TRPV5: variants seen among roughly 807,000 people sequenced by gnomAD.
The protein encoded by TRPV5 is calcium transport protein 2.
A neutral mutation model predicts 74.1 loss-of-function variants in TRPV5; 66 were observed. That is an observed-to-expected ratio of 0.89 (90% CI 0.73 to 1.09). The LOEUF is 1.09. Ranked by LOEUF, TRPV5 falls within the 50% of genes least tolerant of loss-of-function variation. The probability of loss-of-function intolerance (pLI) is 0.00; values close to 1 mark genes in which losing one functional copy is unlikely to be tolerated. For synonymous variants in TRPV5, 399 were observed against 360.7 expected, an observed-to-expected ratio of 1.11 and a Z score of -1.20; for missense variants, 936 against 930.4, an observed-to-expected ratio of 1.01 and a Z score of -0.08.
intron 8 of TRPV5, among the ~76,000 whole-genome samples, chr7:142,922,958 T>C (rs1225199097): frequency 6.6e-6 from 1 of 152,200 alleles, no homozygotes; most frequent in African/African-American, 2.4e-5. Context: ...AAACATCAGC[T>C]TTTGTGTAGT....
At chr7:142,919,935 AAAGGAATG>A (rs1160989603) in intron 8 of TRPV5, among the ~76,000 whole-genome samples, 1 of 152,204 alleles carries the variant, frequency 6.6e-6, no homozygotes, top group Non-Finnish European at 1.5e-5. Flanking sequence ...CCAGACTTGC[AAAGGAATG>A]AAGTTTTCAG....
At chr7:142,932,848 C>A (rs905320138) in intron 1 of TRPV5, among the ~76,000 whole-genome samples, 3 of 152,238 alleles carry the variant, frequency 2.0e-5, no homozygotes, top group African/African-American at 7.2e-5. Flanking sequence ...CCTCCAGTGT[C>A]ACCTGAGCTG....
At chr7:142,930,828 G>A (rs1186927243) in intron 1 of TRPV5, among the ~76,000 whole-genome samples, 3 of 152,118 alleles carry the variant, frequency 2.0e-5, no homozygotes, top group Non-Finnish European at 4.4e-5. Flanking sequence ...TGGAGAGCGG[G>A]ACAGAGGGCA....
Position 142,929,457 on chromosome 7 carries a change from C to T in TRPV5, c.458G>A (p.Arg153His), listed in dbSNP as rs192702809. 138 of 1,614,110 alleles carry T rather than the reference C, an allele frequency of 8.5e-5. 1 individual carries two copies. In the Admixed American group the frequency reaches 1.1e-3, roughly 13 times the overall value. Residue 153 changes from arginine (R) to histidine (H), a missense_variant, in exon 4 of 15, where the codon CGC (arginine) becomes CAC (histidine). By Grantham distance (29) the Arg-to-His change is conservative. Transcript: ENST00000265310. ...VSARATGTAF[R>H]HSPRNLIYFG... ...GTAGATGAGGTTGCGGGGACTATGG[C>T]GGAAGGCAGTGCCTGTGGCTCTGGC...
chr7:142,918,550 G>T (rs1017246815), intron 8 of TRPV5, among the ~76,000 whole-genome samples: 7 of 152,174 alleles, frequency 4.6e-5, no homozygotes, highest in Non-Finnish European at 7.3e-5. Context: ...ATCATTCCTA[G>T]CTCCCCAATG....
At position 142,929,494 on chromosome 7, in the gene TRPV5, C is replaced by A. The variant is rs755955591; in HGVS notation, c.421G>T (p.Ala141Ser). The change falls in exon 4 of 15, where the codon GCC (alanine) becomes TCC (serine). Residue 141 changes from alanine (A) to serine (S), a missense_variant. Coordinates refer to ENST00000265310, the MANE Select transcript of TRPV5 (RefSeq NM_019841.7). ...CCTGTGGCTCTGGCAGAGACACTGG[C>A]CCTGCGGGTGAGCAGGGCACGCACC... ...NLVRALLTRR[A>S]SVSARATGTA... is the part of the protein sequence containing the mutation. 1.9e-6 allele frequency: 3 copies of A among 1,614,004 alleles called. No individual in the cohort carries two copies. The highest frequency in any genetic ancestry group is 1.7e-6 in the Non-Finnish European group (2 of 1,180,038).
chr7:142,932,751 G>A (rs1248080832), intron 1 of TRPV5, among the ~76,000 whole-genome samples: 1 of 152,180 alleles, frequency 6.6e-6, no homozygotes, highest in Non-Finnish European at 1.5e-5. Flanking sequence ...GCAGGCACAA[G>A]TCTCATTCAA....
rs1428411679 is a variant in TRPV5 at position 142,912,574 on chromosome 7, C to T, written c.1696G>A (p.Ala566Thr). 1.9e-6 allele frequency: 3 copies of T among 1,614,154 alleles called. No homozygotes were observed. The highest frequency in any genetic ancestry group is 2.5e-6 in the Non-Finnish European group (3 of 1,179,964). ...AACAAGTTGAGCATGAGCAGTGTGG[C>T]AATGATGGTGAAGGCGAAGTTGACA... The part of the protein sequence containing the change: ...SIVNFAFTII[A>T]TLLMLNLFIA... Residue 566 changes from alanine to threonine, a missense_variant, in exon 13 of 15, where the codon GCC becomes ACC. Transcript: ENST00000265310.
chr7:142,928,298 C>T (rs1394237549), intron 6 of TRPV5, 64 bp from the exon 7 acceptor site: 2 of 1,577,098 alleles, frequency 1.3e-6, no homozygotes, highest in Admixed American at 1.7e-5. Context: ...GAGAACAACT[C>T]CATTGGATGG....
At chr7:142,930,478 AC>A in intron 1 of TRPV5, 32 bp from the exon 2 acceptor site, 1 of 1,544,804 alleles carries the variant, frequency 6.5e-7, no homozygotes, top group Non-Finnish European at 9.0e-7. Flanking sequence ...TTTGGAAGAG[AC>A]AGTCATAGCA....
rs1229390470 is a variant in TRPV5, at chr7:142,929,007, C to T, written c.586+15G>A. On this transcript the variant is annotated intron_variant, in intron 5 of 14. Coordinates refer to ENST00000265310, the MANE Select transcript of TRPV5 (RefSeq NM_019841.7). ...CCCACAGCATCCCAGCTCCCCTCCCCATCCCAGCTCTTACCCAGGGAGTCC... is the reference window on the plus strand; with the variant it reads ...CCCACAGCATCCCAGCTCCCCTCCCTATCCCAGCTCTTACCCAGGGAGTCC... The T allele has an allele frequency of 4.3e-6, 7 of 1,613,718 alleles. No homozygotes were observed. The highest frequency in any genetic ancestry group is 5.1e-6 in the Non-Finnish European group (6 of 1,180,002).
rs762322804 is a variant in TRPV5 at position 142,912,518 on chromosome 7, C to T, written c.1752G>A (p.Arg584=). 3 of 1,614,226 alleles carry T rather than the reference C, an allele frequency of 1.9e-6. No homozygotes were observed. Among genetic ancestry groups the T allele is most frequent in the Non-Finnish European group, 2.5e-6 (3 of 1,180,038 alleles). ...AGAGCTCATCCCTCTCCTGGGCCAC[C>T]CTCCAGTGGGTGTCGCCCATCATGG... ...FIAMMGDTHW[R]VAQERDELWR... is the part of the protein sequence containing the mutation. Residue 584 remains arginine (R), a synonymous_variant, in exon 13 of 15, where the codon AGG becomes AGA. Transcript: ENST00000265310.
At chr7:142,914,614 T>C (rs1399888288) in intron 12 of TRPV5, 26 bp downstream of exon 12, 2 of 1,601,490 alleles carry the variant, frequency 1.2e-6, no homozygotes, top group African/African-American at 1.3e-5. Context: ...TCTGCTGATC[T>C]AGTAGAGGAG....
intron 7 of TRPV5, among the ~76,000 whole-genome samples, chr7:142,926,829 G>A (rs1795996643): frequency 1.3e-5 from 2 of 152,184 alleles, no homozygotes; most frequent in African/African-American, 2.4e-5. Context: ...TCTGTTTCCA[G>A]GGATATTCTC....
chr7:142,915,632 G>A (rs1795783843), intron 8 of TRPV5, 64 bp from the exon 9 acceptor site: 10 of 1,533,228 alleles, frequency 6.5e-6, no homozygotes, highest in Non-Finnish European at 9.0e-6. Flanking sequence ...TTGTGCAAAT[G>A]ATCGAAAGCT....
At chr7:142,920,561 A>T (rs958091464) in intron 8 of TRPV5, among the ~76,000 whole-genome samples, 10 of 152,166 alleles carry the variant, frequency 6.6e-5, no homozygotes, top group Admixed American at 1.3e-4. Context: ...GACCTAGCAC[A>T]TCACTCTGGA....
rs1295677654 is a variant in TRPV5, at chr7:142,925,682, C to T, written c.969G>A (p.Lys323=). The change falls in exon 8 of 15, where the codon AAG becomes AAA. Residue 323 remains lysine, a synonymous_variant. Coordinates refer to ENST00000265310, the MANE Select transcript of TRPV5 (RefSeq NM_019841.7). The stretch of plus-strand genomic sequence containing the variant: ...GGATGCAGAAGTACGGCCGGCCATA[C>T]TTGTTCCACTTGAAGCTCACCAGCT... ...VKELVSFKWN[K]YGRPYFCILA... The T allele has an allele frequency of 3.1e-6, 5 of 1,614,050 alleles. No individual in the cohort carries two copies. In the African/African-American group the frequency reaches 5.3e-5, roughly 17 times the overall value.
rs979897614 is a variant in TRPV5 at position 142,930,260 on chromosome 7, C to T, written c.227-80G>A. The T allele has an allele frequency of 2.9e-5, 47 of 1,610,640 alleles. No homozygotes were observed. The Admixed American group carries it at 4.0e-4, about 14-fold the overall frequency. On this transcript the variant is annotated intron_variant, in intron 2 of 14. Transcript: ENST00000265310. ...GGGCCTCAGGCTCCAGAGACACCCTCCAAGGCCCTATTTCACAAACTCGAA... is the reference window on the plus strand; with the variant it reads ...GGGCCTCAGGCTCCAGAGACACCCTTCAAGGCCCTATTTCACAAACTCGAA...
At position 142,933,627 on chromosome 7, in the gene TRPV5, A is replaced by C. The variant is rs1364063339; in HGVS notation, c.-168T>G. The C allele has an allele frequency of 2.3e-6, 2 of 869,104 alleles. No individual in the cohort carries two copies. The highest frequency in any genetic ancestry group is 3.5e-6 in the Non-Finnish European group (2 of 567,612). 53.8% of individuals were successfully genotyped at this position (869,104 alleles called of 1,614,324 possible). On this transcript the variant is annotated 5_prime_UTR_variant, in exon 1 of 15. It removes an upstream start codon present in the reference 5' UTR. Transcript: ENST00000265310. Reference sequence around the variant, plus strand: ...GCAGCTTGTAGGTGTGTGTGTGTGCATGCAGTATGTGGGTTGTGGGGTGTG... The same window carrying C: ...GCAGCTTGTAGGTGTGTGTGTGTGCCTGCAGTATGTGGGTTGTGGGGTGTG...
Sources: allele counts gnomAD v4.1 joint callset (sites outside exome capture counted in the v4.1 genomes callset), GRCh38; gene constraint gnomAD v4.1.1; transcripts MANE v1.5; gene names NCBI Gene and HGNC (gene_info 2026-07-23, HGNC 2026-07-21).